SAP130: variants seen among roughly 807,000 people sequenced by gnomAD.
The protein encoded by SAP130 is Sin3A associated protein 130, also known as histone deacetylase complex subunit SAP130.
Under a neutral mutation model 103.2 loss-of-function variants are expected in SAP130, and 16 were observed. The ratio of observed to expected loss-of-function variants is 0.16; its 90% CI spans 0.10 to 0.24. SAP130 has a LOEUF of 0.24. SAP130 is among the 10% of genes least tolerant of loss of function. The pLI is 1.00. For synonymous variants in SAP130, 477 were observed against 497.0 expected, an observed-to-expected ratio of 0.96 and a Z score of 0.53; for missense variants, 990 against 1,359.7, an observed-to-expected ratio of 0.73 and a Z score of 4.28.
At chr2:127,957,698 T>C (rs1679943156) in intron 15 of SAP130, among the ~76,000 whole-genome samples, 1 of 151,484 alleles carries the variant, frequency 6.6e-6, no homozygotes, top group African/African-American at 2.4e-5. Flanking sequence ...AGATAAGTTA[T>C]GGCAAAATAT....
rs759651122 is a variant in SAP130, at chr2:127,986,897, G to C, written c.1846C>G (p.Pro616Ala). 6.2e-7 allele frequency: 1 copy of C among 1,613,942 alleles called. No individual in the cohort carries two copies. The highest frequency in any genetic ancestry group is 1.1e-5 in the South Asian group (1 of 91,066). Residue 616 changes from proline (P) to alanine (A), a missense_variant, in exon 14 of 21, where the codon CCA becomes GCA. Physicochemically the swap from Pro to Ala is conservative, Grantham distance 27. Around this residue, in one of 6 missense-constraint regions of SAP130, gnomAD observed 349 missense variants for 384.1 expected, o/e 0.91. Coordinates refer to ENST00000643581, the MANE Select transcript of SAP130 (RefSeq NM_001330301.2). The surrounding 1 kb of genome is among the most constrained non-coding windows in gnomAD (Gnocchi z 4.7). ...GTCTGCACCACGGTTGTTGCTGCTG[G>C]AGCAGCACTGAATGGATTGCTAATA... ...NPISNPFSAA[P>A]AATTVVQTHS...
In SAP130 at chr2:128,017,672, T is replaced by C. The variant is rs761640626; in HGVS notation, c.348+8A>G. 7 of 1,612,636 alleles carry C rather than the reference T, an allele frequency of 4.3e-6. No homozygotes were observed. Among genetic ancestry groups the C allele is most frequent in the Non-Finnish European group, 5.9e-6 (7 of 1,178,740 alleles). On this transcript the variant is annotated splice_region_variant and intron_variant, in intron 3 of 20. Coordinates refer to ENST00000643581, the MANE Select transcript of SAP130 (RefSeq NM_001330301.2). ...GGTTCAGTGTGAAGTTTTAACCCTCTCCATTACCTTCATAAGTCCCTCCGA... is the reference window on the plus strand; with the variant it reads ...GGTTCAGTGTGAAGTTTTAACCCTCCCCATTACCTTCATAAGTCCCTCCGA...
intron 19 of SAP130, among the ~76,000 whole-genome samples, chr2:127,943,277 CTCT>C (rs1290469496): frequency 6.6e-6 from 1 of 152,210 alleles, no homozygotes; most frequent in African/African-American, 2.4e-5. Flanking sequence ...TTGTTGCCTC[CTCT>C]TCACCTGCTG....
intron 6 of SAP130, among the ~76,000 whole-genome samples, chr2:128,010,703 A>G (rs1404387902): frequency 6.6e-6 from 1 of 152,078 alleles, no homozygotes; most frequent in African/African-American, 2.4e-5. Context: ...TTGACTAAAA[A>G]TACAAAAAAA....
chr2:127,959,315 C>T (rs1680071862), intron 15 of SAP130, among the ~76,000 whole-genome samples: 1 of 152,138 alleles, frequency 6.6e-6, no homozygotes, highest in South Asian at 2.1e-4. Flanking sequence ...GCCCAAGAAC[C>T]AAGAAAAAGG....
At chr2:127,954,404 T>C (rs942693800) in intron 16 of SAP130, among the ~76,000 whole-genome samples, 5 of 151,778 alleles carry the variant, frequency 3.3e-5, no homozygotes, top group Non-Finnish European at 7.4e-5. Context: ...ATACTGAATA[T>C]GTTACTTTTG....
intron 15 of SAP130, among the ~76,000 whole-genome samples, chr2:127,970,099 G>A (rs1227597532): frequency 2.0e-5 from 3 of 150,742 alleles, no homozygotes; most frequent in Non-Finnish European, 4.4e-5. Context: ...ATGGTAGCTC[G>A]CACCTGTAGT....
intron 18 of SAP130, among the ~76,000 whole-genome samples, chr2:127,946,079 A>G (rs1246176596): frequency 6.6e-6 from 1 of 152,170 alleles, no homozygotes; most frequent in Non-Finnish European, 1.5e-5. Flanking sequence ...TGTCACTCAG[A>G]GAGAAGCTTG....
intron 1 of SAP130, among the ~76,000 whole-genome samples, chr2:128,027,717 C>T (rs1685626471): frequency 6.6e-6 from 1 of 151,754 alleles, no homozygotes; most frequent in East Asian, 2.0e-4. Flanking sequence ...GTCAGCCCAC[C>T]CCTCCCGGTG....
intron 18 of SAP130, among the ~76,000 whole-genome samples, chr2:127,947,782 G>GTGTGTGTGTGTGTGTT (rs1255053957): frequency 6.6e-6 from 1 of 151,940 alleles, no homozygotes; most frequent in African/African-American, 2.4e-5. Flanking sequence ...GTGTGTGTGT[G>GTGTGTGTGTGTGTGTT]TGTGTGTGTG....
chr2:127,971,417 C>G (rs2104876769), intron 15 of SAP130, among the ~76,000 whole-genome samples: 1 of 152,074 alleles, frequency 6.6e-6, no homozygotes, highest in Admixed American at 6.5e-5. Flanking sequence ...TCCCGAGTAG[C>G]TGGGACTACC....
At chr2:127,984,050 C>G (rs1452710755) in intron 14 of SAP130, among the ~76,000 whole-genome samples, 1 of 151,842 alleles carries the variant, frequency 6.6e-6, no homozygotes, top group South Asian at 2.1e-4. Flanking sequence ...GATTTCCTGA[C>G]CTGGTTCTTT....
intron 2 of SAP130, among the ~76,000 whole-genome samples, chr2:128,025,275 C>T (rs1685428678): frequency 6.6e-6 from 1 of 152,218 alleles, no homozygotes; most frequent in Admixed American, 6.5e-5. Flanking sequence ...TATCCCTGGC[C>T]TCTACCTATC....
Position 127,989,975 on chromosome 2 carries a change from T to G in SAP130, c.1478-109A>C, listed in dbSNP as rs17262104. 48,935 of 966,012 alleles carry G rather than the reference T, an allele frequency of 0.051. 1,588 individuals carry two copies. Among genetic ancestry groups the G allele is most frequent in the Non-Finnish European group, 0.058 (38,746 of 664,040 alleles). The allele number at this position is 966,012 out of a possible 1,614,324, so 59.8% of individuals were successfully genotyped here. On this transcript the variant is annotated intron_variant, in intron 12 of 20. Transcript: ENST00000643581. The surrounding 1 kb of genome is among the most constrained non-coding windows in gnomAD (Gnocchi z 4.6). ...TTTCCTCCACTGTATAAGATCTAAA[T>G]CCATGGTTTGAAAAAAAATAAATAA...
chr2:128,007,312 A>G (rs1684048299), intron 7 of SAP130, among the ~76,000 whole-genome samples: 1 of 152,216 alleles, frequency 6.6e-6, no homozygotes, highest in Admixed American at 6.5e-5. Context: ...GCATCATAAT[A>G]GGCACTCCAA....
intron 15 of SAP130, among the ~76,000 whole-genome samples, chr2:127,960,310 A>T (rs1202141416): frequency 6.6e-6 from 1 of 152,158 alleles, no homozygotes; most frequent in Non-Finnish European, 1.5e-5. Flanking sequence ...CGGAGAAAGG[A>T]GGCACCAGGA....
At chr2:128,009,894 A>G (rs568663528) in intron 7 of SAP130, among the ~76,000 whole-genome samples, 16 of 152,260 alleles carry the variant, frequency 1.1e-4, no homozygotes, top group South Asian at 1.0e-3. Flanking sequence ...TCACTTCATT[A>G]TATCTTTTCA....
At chr2:127,960,722 T>A (rs1680182362) in intron 15 of SAP130, among the ~76,000 whole-genome samples, 1 of 152,146 alleles carries the variant, frequency 6.6e-6, no homozygotes. Context: ...TACTATTATC[T>A]TCCACACAAT....
In SAP130 at chr2:127,942,049, G is replaced by A. The variant is rs142523771; in HGVS notation, c.3131C>T (p.Thr1044Ile). 1.1e-4 allele frequency: 174 copies of A among 1,606,190 alleles called. No individual in the cohort carries two copies. Among genetic ancestry groups the A allele is most frequent in the Non-Finnish European group, 1.4e-4 (167 of 1,178,970 alleles). The change falls in exon 21 of 21, where the codon ACT (threonine) becomes ATT (isoleucine). Residue 1044 changes from threonine (T) to isoleucine (I), a missense_variant. This residue lies in a region of SAP130 where 69 missense variants were observed against 165.7 expected (regional missense o/e 0.42). Coordinates refer to ENST00000643581, the MANE Select transcript of SAP130 (RefSeq NM_001330301.2). The surrounding 1 kb of genome is among the most constrained non-coding windows in gnomAD (Gnocchi z 4.8). The stretch of plus-strand genomic sequence containing the variant: ...CTTCAATTTGGACACTTTTTTGACA[G>A]TCCCGTTCTTGTTAAGCAGCTTCAG... ...RVLKLLNKNG[T>I]VKKVSKLKRK...
Sources: allele counts gnomAD v4.1 joint callset (sites outside exome capture counted in the v4.1 genomes callset), GRCh38; gene constraint gnomAD v4.1.1; regional missense constraint gnomAD v4.1.1; non-coding constraint Gnocchi (gnomAD v3.1); transcripts MANE v1.5; gene names NCBI Gene and HGNC (gene_info 2026-07-23, HGNC 2026-07-21).